The following PREX2 variants were observed in gnomAD, a reference collection of about 807,000 sequenced individuals.
The protein encoded by PREX2 is phosphatidylinositol 3,4,5-trisphosphate-dependent Rac exchanger 2 protein.
Under a neutral mutation model 203.2 loss-of-function variants are expected in PREX2, and 107 were observed. The ratio of observed to expected loss-of-function variants is 0.53; its 90% confidence interval spans 0.45 to 0.62. The LOEUF (loss-of-function observed/expected upper bound fraction) is 0.62, where lower values mean the gene tolerates loss of function less well. Among genes scored for constraint, PREX2 ranks in the 20% least tolerant of loss-of-function variants. The pLI is 0.00. For missense variants in PREX2, 1,777 were observed against 1,955.9 expected, an observed-to-expected ratio of 0.91 and a Z score of 1.72; for synonymous variants, 672 against 663.6, an observed-to-expected ratio of 1.01 and a Z score of -0.19.
chr8:68,103,419 G>A (rs761755157), intron 23 of PREX2, among the ~76,000 whole-genome samples: 4 of 152,140 alleles, frequency 2.6e-5, no homozygotes, highest in South Asian at 2.1e-4. Context: ...AATAATTCAC[G>A]AATTAGCTAC....
At chr8:68,159,709 T>A (rs1240820896) in intron 35 of PREX2, among the ~76,000 whole-genome samples, 1 of 152,222 alleles carries the variant, frequency 6.6e-6, no homozygotes, top group East Asian at 1.9e-4. Flanking sequence ...CAAAGCAGTC[T>A]GATTATATCT....
chr8:68,053,043 T>A, intron 8 of PREX2, 54 bp from the exon 9 acceptor site: 4 of 1,508,368 alleles, frequency 2.7e-6, no homozygotes, highest in Non-Finnish European at 2.7e-6. Flanking sequence ...AGTGTGGATA[T>A]AATAATATTG....
chr8:68,142,634 G>A (rs1480264020), intron 33 of PREX2, among the ~76,000 whole-genome samples: 1 of 152,052 alleles, frequency 6.6e-6, no homozygotes, highest in Admixed American at 6.6e-5. Context: ...AGCTCTTTTG[G>A]GTAGATACCA....
intron 35 of PREX2, among the ~76,000 whole-genome samples, chr8:68,181,518 G>A (rs1183584862): frequency 6.6e-6 from 1 of 152,036 alleles, no homozygotes; most frequent in Non-Finnish European, 1.5e-5. Flanking sequence ...TTAAAATAGG[G>A]TAGAGACCTG....
intron 21 of PREX2, among the ~76,000 whole-genome samples, chr8:68,095,656 T>C (rs918588347): frequency 1.4e-5 from 2 of 145,952 alleles, no homozygotes; most frequent in Non-Finnish European, 3.0e-5. Flanking sequence ...TTTTTCAGAG[T>C]CTTTCTTTGT....
At chr8:68,098,968 A>ATATATG (rs1810177941) in intron 22 of PREX2, among the ~76,000 whole-genome samples, 1 of 121,640 alleles carries the variant, frequency 8.2e-6, no homozygotes, top group African/African-American at 2.8e-5. Flanking sequence ...ATATATATAT[A>ATATATG]TATATATATC....
intron 25 of PREX2, 83 bp downstream of exon 25, chr8:68,109,706 C>G (rs1810499322): frequency 8.9e-7 from 1 of 1,129,172 alleles, no homozygotes; most frequent in South Asian, 1.4e-5. Flanking sequence ...ATCATTCTCT[C>G]TTTAGTTATT....
At chr8:68,185,388 G>A (rs1161065268) in intron 35 of PREX2, among the ~76,000 whole-genome samples, 1 of 152,056 alleles carries the variant, frequency 6.6e-6, no homozygotes, top group African/African-American at 2.4e-5. Flanking sequence ...TTCTGTACCT[G>A]CTCTGTTGTT....
chr8:67,975,679 A>T (rs1421665737), intron 1 of PREX2, among the ~76,000 whole-genome samples: 2 of 145,708 alleles, frequency 1.4e-5, no homozygotes, highest in African/African-American at 5.2e-5. Flanking sequence ...TCAGGATAGT[A>T]ACTGATTTCT....
rs1237556593 is a variant in PREX2, at chr8:68,080,504, A to G, written c.1704A>G (p.Glu568=). The change falls in exon 16 of 40, where the codon GAA becomes GAG. Residue 568 remains glutamate (E), a synonymous_variant. Transcript: ENST00000288368. ...TTTTCCGTTTTTTTTCGGATGAGGA[A>G]ATGGAGGGATCAAATATGAAACATC... is the stretch of plus-strand genomic sequence containing the variant. ...PLLFRFFSDE[E]MEGSNMKHRL... The G allele has an allele frequency of 1.2e-6, 2 of 1,613,024 alleles. No individual in the cohort carries two copies. Among genetic ancestry groups the G allele is most frequent in the Non-Finnish European group, 1.7e-6 (2 of 1,179,262 alleles).
chr8:67,973,984 A>G (rs934652489), intron 1 of PREX2, among the ~76,000 whole-genome samples: 5 of 152,156 alleles, frequency 3.3e-5, no homozygotes, highest in African/African-American at 1.2e-4. Flanking sequence ...CATATATTCT[A>G]TAGAACCTAG....
At chr8:68,213,125 A>G (rs2129615182) in intron 37 of PREX2, among the ~76,000 whole-genome samples, 1 of 152,290 alleles carries the variant, frequency 6.6e-6, no homozygotes, top group South Asian at 2.1e-4. Flanking sequence ...CCCAGCCATA[A>G]ATGAAAGTAA....
At chr8:68,013,562 A>G (rs1807327551) in intron 1 of PREX2, among the ~76,000 whole-genome samples, 1 of 152,204 alleles carries the variant, frequency 6.6e-6, no homozygotes, top group Admixed American at 6.5e-5. Context: ...AACCCAAATG[A>G]CAAACTTCTT....
chr8:68,055,809 C>G (rs1241917335), intron 9 of PREX2, 21 bp from the exon 10 acceptor site: 1 of 1,603,926 alleles, frequency 6.2e-7, no homozygotes, highest in Non-Finnish European at 8.5e-7. Context: ...AGTTACCTCT[C>G]CTTTCTTTCA....
At chr8:68,023,002 T>TAAAC (rs1807613235) in intron 4 of PREX2, among the ~76,000 whole-genome samples, 1 of 152,230 alleles carries the variant, frequency 6.6e-6, no homozygotes, top group African/African-American at 2.4e-5. Context: ...ATTGTATGGA[T>TAAAC]ATGCTGTATT....
intron 11 of PREX2, among the ~76,000 whole-genome samples, chr8:68,061,649 CCTT>C (rs1167112057): frequency 6.6e-6 from 1 of 152,140 alleles, no homozygotes; most frequent in Non-Finnish European, 1.5e-5. Context: ...GTATTCTGAG[CCTT>C]CTTCTCTGAA....
chr8:68,099,281 A>G (rs1467165550), intron 22 of PREX2, among the ~76,000 whole-genome samples: 1 of 151,964 alleles, frequency 6.6e-6, no homozygotes, highest in Non-Finnish European at 1.5e-5. Context: ...GGATTCCTTT[A>G]TGTTTTTTTG....
chr8:68,059,766 G>A (rs1808789449), intron 10 of PREX2, among the ~76,000 whole-genome samples: 1 of 152,144 alleles, frequency 6.6e-6, no homozygotes, highest in Non-Finnish European at 1.5e-5. Flanking sequence ...TATTCAGGTG[G>A]TTGTCAGGAA....
At chr8:67,998,152 G>C (rs760281730) in intron 1 of PREX2, among the ~76,000 whole-genome samples, 32 of 152,098 alleles carry the variant, frequency 2.1e-4, no homozygotes, top group South Asian at 6.2e-4. Flanking sequence ...TTAAATTTTT[G>C]CATTGCTGAG....
Sources: gnomAD v4.1 joint callset for allele counts (sites outside exome capture counted in the v4.1 genomes callset) on GRCh38, gnomAD v4.1.1 for gene constraint, MANE v1.5 for transcripts, NCBI Gene and HGNC (gene_info 2026-07-23, HGNC 2026-07-21) for gene names.